LRP1: variants seen among roughly 807,000 people sequenced by gnomAD.
LRP1 encodes LDL receptor related protein 1.
In LRP1, 51 loss-of-function variants were observed where a neutral mutation model predicts 541.5. The ratio of observed to expected loss-of-function variants is 0.09; its 90% confidence interval spans 0.08 to 0.12. The LOEUF is 0.12. LRP1 is among the 10% of genes least tolerant of loss of function. The pLI, the probability that LRP1 is intolerant of heterozygous loss-of-function variation, is 1.00. For missense variants in LRP1, 3,878 were observed against 6,376.2 expected, an observed-to-expected ratio of 0.61 and a Z score of 13.34; for synonymous variants, 2,219 against 2,470.8, an observed-to-expected ratio of 0.90 and a Z score of 3.02.
chr12:57,156,714 G>T lies in LRP1; in HGVS notation c.1418-63G>T, dbSNP rs1340419018. 6.6e-7 allele frequency: 1 copy of T among 1,515,998 alleles called. No homozygotes were observed. The highest frequency in any genetic ancestry group is 8.9e-7 in the Non-Finnish European group (1 of 1,119,936). 93.9% of individuals were successfully genotyped at this position (1,515,998 alleles called of 1,614,324 possible). ...CAGGGGGTGTGGTCAGATTCAGGAA[G>T]CCTTCTCAAGGCCTGGCACAGGGGC... On this transcript the variant is annotated intron_variant, in intron 9 of 88. Transcript: ENST00000243077. This position sits in a 1 kb window ranked among gnomAD's most constrained non-coding sequence, Gnocchi z 5.2.
intron 80 of LRP1, 60 bp from the exon 81 acceptor site, chr12:57,209,969 C>G: frequency 1.3e-6 from 2 of 1,583,658 alleles, no homozygotes; most frequent in Non-Finnish European, 1.7e-6. Context: ...TCACCCTGGG[C>G]TCACAGGGCT....
Position 57,198,000 on chromosome 12 carries a change from G to A in LRP1, c.9283-156G>A, listed in dbSNP as rs2036572818. 6.6e-6 allele frequency among the ~76,000 whole-genome samples: 1 copy of A among 152,160 alleles called. No individual in the cohort carries two copies. The stretch of plus-strand genomic sequence containing the variant: ...TCTGCTGACACCTACACAGTGTCAG[G>A]CCCAGGACTGGGCATTTTACTTCCA... On this transcript the variant is annotated intron_variant, in intron 58 of 88. Transcript: ENST00000243077. This position sits in a 1 kb window ranked among gnomAD's most constrained non-coding sequence, Gnocchi z 4.5.
In LRP1 at chr12:57,205,056, G is replaced by A. The variant is rs1352496072; in HGVS notation, c.11195-53G>A. 1 of 1,562,644 alleles carries A rather than the reference G, an allele frequency of 6.4e-7. No individual in the cohort carries two copies. The highest frequency in any genetic ancestry group is 1.4e-5 in the African/African-American group (1 of 73,286). On this transcript the variant is annotated intron_variant, in intron 72 of 88. Coordinates refer to ENST00000243077, the MANE Select transcript of LRP1 (RefSeq NM_002332.3). The surrounding 1 kb of genome is among the most constrained non-coding windows in gnomAD (Gnocchi z 4.6). ...CACTGTTATCTATGGGGTTGCCGTG[G>A]GAGGAGGAGGCAGGGGAGAATACCC...
At chr12:57,161,592 C>A (rs568889856) in intron 13 of LRP1, among the ~76,000 whole-genome samples, 1 of 152,134 alleles carries the variant, frequency 6.6e-6, no homozygotes. Flanking sequence ...CCCTGACCCC[C>A]TCTCTGGTCT....
At position 57,173,866 on chromosome 12, in the gene LRP1, T is replaced by A; in HGVS notation, c.3433T>A (p.Cys1145Ser). The A allele has an allele frequency of 6.2e-7, 1 of 1,614,208 alleles. No homozygotes were observed. Among genetic ancestry groups the A allele is most frequent in the Non-Finnish European group, 8.5e-7 (1 of 1,180,038 alleles). ...SDEENCESLACRPPSHPCANN... is the reference protein window; with the variant it reads ...SDEENCESLASRPPSHPCANN... ...CGAGGAGAACTGCGAGTCCCTGGCC[T>A]GCAGGCCACCCTCGCACCCTTGTGC... Residue 1145 changes from cysteine (C) to serine (S), a missense_variant, in exon 22 of 89, where the codon TGC becomes AGC. Cys to Ser is a moderately radical substitution (Grantham distance 112, BLOSUM62 -1). This residue lies in a region of LRP1 where 320 missense variants were observed against 547.9 expected (regional missense o/e 0.58). Coordinates refer to ENST00000243077, the MANE Select transcript of LRP1 (RefSeq NM_002332.3). This position sits in a 1 kb window ranked among gnomAD's most constrained non-coding sequence, Gnocchi z 4.7.
Position 57,192,957 on chromosome 12 carries a change from C to T in LRP1, c.7542C>T (p.Asp2514=). ...SCRGGRILQD[D]LTCRAVNSSC... The stretch of plus-strand genomic sequence containing the variant: ...GAGGGGGCCGAATCCTCCAGGATGA[C>T]CTCACCTGCCGAGGTGAGAGAGGCG... The change falls in exon 45 of 89, where the codon GAC becomes GAT. Residue 2514 remains aspartate, a synonymous_variant. Coordinates refer to ENST00000243077, the MANE Select transcript of LRP1 (RefSeq NM_002332.3). 6.2e-7 allele frequency: 1 copy of T among 1,613,616 alleles called. No homozygotes were observed. Among genetic ancestry groups the T allele is most frequent in the Non-Finnish European group, 8.5e-7 (1 of 1,179,964 alleles).
intron 4 of LRP1, 187 bp from the exon 5 acceptor site, chr12:57,144,785 C>G: frequency 1.4e-5 from 9 of 627,964 alleles, no homozygotes; most frequent in South Asian, 1.3e-4. Flanking sequence ...GAGTGTTTCT[C>G]TAGAGTGGAT....
intron 4 of LRP1, chr12:57,144,652 G>A (rs1028301194): frequency 3.0e-6 from 1 of 331,538 alleles, no homozygotes. Context: ...TTTATTATCT[G>A]AATATAAGTT....
intron 13 of LRP1, among the ~76,000 whole-genome samples, chr12:57,161,782 C>G (rs1388625573): frequency 6.6e-6 from 1 of 152,126 alleles, no homozygotes; most frequent in Non-Finnish European, 1.5e-5. Flanking sequence ...GGCTACCTCC[C>G]CTAGGATGTC....
At chr12:57,193,395 C>A in intron 46 of LRP1, 91 bp downstream of exon 46, 1 of 1,543,274 alleles carries the variant, frequency 6.5e-7, no homozygotes, top group South Asian at 1.1e-5. Flanking sequence ...AGGATCAGGA[C>A]CCAGCTTCCT....
rs75046694 is a variant in LRP1 at position 57,182,060 on chromosome 12, C to T, written c.5662+769C>T. Among the ~76,000 whole-genome samples, 293 of 152,086 alleles carry T rather than the reference C, an allele frequency of 1.9e-3. 6 individuals carry two copies. In the East Asian group the frequency reaches 0.048, roughly 25 times the overall value. ...TTATGTGTGCCAAGAATTTTTCAAG[C>T]GTTTGGGGTTTTCCAAAACTCACTT... On this transcript the variant is annotated intron_variant, in intron 34 of 88. Coordinates refer to ENST00000243077, the MANE Select transcript of LRP1 (RefSeq NM_002332.3).
At chr12:57,159,731 C>A in intron 11 of LRP1, 94 bp from the exon 12 acceptor site, 1 of 1,290,018 alleles carries the variant, frequency 7.8e-7, no homozygotes, top group Non-Finnish European at 1.1e-6. Context: ...GTAGCCCAGA[C>A]TGCTCAAAGG....
At position 57,191,337 on chromosome 12, in the gene LRP1, G is replaced by A; in HGVS notation, c.7254G>A (p.Glu2418=). 6.2e-7 allele frequency: 1 copy of A among 1,606,672 alleles called. No individual in the cohort carries two copies. Among genetic ancestry groups the A allele is most frequent in the Non-Finnish European group, 8.5e-7 (1 of 1,174,404 alleles). The part of the protein sequence containing the change: ...GSHRYVILKS[E]PVHPFGLAVY... ...CTCCACAGGTGATCCTAAAGTCAGA[G>A]CCTGTCCACCCCTTCGGGCTGGCCG... Residue 2418 remains glutamate, a synonymous_variant, in exon 44 of 89, where the codon GAG becomes GAA. Coordinates refer to ENST00000243077, the MANE Select transcript of LRP1 (RefSeq NM_002332.3).
intron 44 of LRP1, 69 bp downstream of exon 44, chr12:57,191,581 C>T (rs2036380782): frequency 2.1e-6 from 3 of 1,406,644 alleles, no homozygotes; most frequent in African/African-American, 2.8e-5. Flanking sequence ...ACACACACCC[C>T]ACACACACAT....
chr12:57,193,996 A>G lies in LRP1; in HGVS notation c.7902A>G (p.Ser2634=), dbSNP rs1477286881. The G allele has an allele frequency of 6.2e-7, 1 of 1,614,194 alleles. No homozygotes were observed. The highest frequency in any genetic ancestry group is 8.5e-7 in the Non-Finnish European group (1 of 1,179,998). ...CNQFVDCEDA[S]DEMNCSATDC... ...AGTTTGTGGATTGTGAGGACGCCTC[A>G]GATGAGATGAACTGCAGTGAGTGAC... is the stretch of plus-strand genomic sequence containing the variant. Residue 2634 remains serine, a synonymous_variant, in exon 48 of 89, where the codon TCA becomes TCG. Coordinates refer to ENST00000243077, the MANE Select transcript of LRP1 (RefSeq NM_002332.3).
Position 57,212,703 on chromosome 12 carries a change from G to C in LRP1, c.*148G>C. 1.2e-6 allele frequency: 1 copy of C among 834,518 alleles called. No individual in the cohort carries two copies. Among genetic ancestry groups the C allele is most frequent in the South Asian group, 1.8e-5 (1 of 54,300 alleles). 51.7% of individuals were successfully genotyped at this position (834,518 alleles called of 1,614,324 possible). A position where few individuals can be genotyped will look rare whatever the true frequency, so the allele number is the denominator to read the frequency against. On this transcript the variant is annotated 3_prime_UTR_variant, in exon 89 of 89. Transcript: ENST00000243077. This position sits in a 1 kb window ranked among gnomAD's most constrained non-coding sequence, Gnocchi z 5.0. Reference sequence around the variant, plus strand: ...GGAATTACATTTTATATGTGAGCGAGCAAGCCGGCAAGCGAGCACAGTATT... The same window carrying C: ...GGAATTACATTTTATATGTGAGCGACCAAGCCGGCAAGCGAGCACAGTATT...
intron 42 of LRP1, among the ~76,000 whole-genome samples, chr12:57,188,913 C>T (rs1375184574): frequency 1.3e-5 from 2 of 152,128 alleles, no homozygotes; most frequent in Non-Finnish European, 2.9e-5. Flanking sequence ...GGAGAAAGAG[C>T]TGAGCTGGCA....
intron 4 of LRP1, 52 bp from the exon 5 acceptor site, chr12:57,144,920 C>T (rs1023164480): frequency 3.9e-5 from 61 of 1,577,760 alleles, no homozygotes; most frequent in East Asian, 1.6e-4. Flanking sequence ...TCACCCACTT[C>T]GTTGCCCTTG....
At chr12:57,191,832 CACAT>C (rs2036392876) in intron 44 of LRP1, among the ~76,000 whole-genome samples, 1 of 90,332 alleles carries the variant, frequency 1.1e-5, no homozygotes, top group Non-Finnish European at 2.2e-5. Context: ...CCACACCACA[CACAT>C]ACCACACACA....
Sources: gnomAD v4.1 joint callset for allele counts (sites outside exome capture counted in the v4.1 genomes callset) on GRCh38, gnomAD v4.1.1 for gene constraint, gnomAD v4.1.1 regional missense constraint, Gnocchi (gnomAD v3.1) non-coding constraint, MANE v1.5 for transcripts, NCBI Gene and HGNC (gene_info 2026-07-23, HGNC 2026-07-21) for gene names.